The following MARCHF1 variants were observed in gnomAD, a reference collection of about 807,000 sequenced individuals.
The protein encoded by MARCHF1 is membrane associated ring-CH-type finger 1, also known as E3 ubiquitin-protein ligase MARCHF1.
A neutral mutation model predicts 54.2 loss-of-function variants in MARCHF1; 40 were observed. The observed-to-expected ratio is 0.74, with a 90% CI of 0.57 to 0.96. The LOEUF (loss-of-function observed/expected upper bound fraction) is 0.96. Ranked by LOEUF, MARCHF1 falls within the 40% of genes least tolerant of loss-of-function variation. The probability of loss-of-function intolerance (pLI) is 0.00; values close to 1 mark genes in which losing one functional copy is unlikely to be tolerated. For missense variants in MARCHF1, 586 were observed against 656.5 expected (o/e 0.89, Z 1.17); for synonymous variants, 236 against 236.3 (o/e 1.00, Z 0.01).
intron 9 of MARCHF1, among the ~76,000 whole-genome samples, chr4:163,539,475 T>C (rs996949008): frequency 2.0e-5 from 3 of 152,238 alleles, no homozygotes; most frequent in Non-Finnish European, 4.4e-5. Context: ...ATTATTGTTA[T>C]TATCTGTGTG....
chr4:163,665,865 T>C (rs1743514307), intron 5 of MARCHF1, among the ~76,000 whole-genome samples: 1 of 152,114 alleles, frequency 6.6e-6, no homozygotes, highest in South Asian at 2.1e-4. Context: ...TACTCCTCCA[T>C]TGGGCATACC....
chr4:164,071,754 A>G (rs963376964), intron 2 of MARCHF1, among the ~76,000 whole-genome samples: 1 of 151,998 alleles, frequency 6.6e-6, no homozygotes, highest in Non-Finnish European at 1.5e-5. Flanking sequence ...TGCTTTTAAA[A>G]TTTCTCACCC....
chr4:164,365,384 T>C (rs967051311), intron 1 of MARCHF1, among the ~76,000 whole-genome samples: 14 of 152,062 alleles, frequency 9.2e-5, no homozygotes, highest in African/African-American at 3.4e-4. Context: ...TAAGTAGAAA[T>C]TGATATGTGT....
chr4:163,815,400 C>T (rs1167994452), intron 4 of MARCHF1, among the ~76,000 whole-genome samples: 1 of 152,170 alleles, frequency 6.6e-6, no homozygotes, highest in Non-Finnish European at 1.5e-5. Flanking sequence ...GTTGGCTGTG[C>T]ATCTATTATG....
At chr4:163,656,685 G>A (rs546473193) in intron 5 of MARCHF1, among the ~76,000 whole-genome samples, 1 of 152,186 alleles carries the variant, frequency 6.6e-6, no homozygotes, top group South Asian at 2.1e-4. Context: ...GAATCCAGCA[G>A]CACATAAAAA....
At chr4:164,253,095 A>G (rs1733172814) in intron 1 of MARCHF1, among the ~76,000 whole-genome samples, 1 of 152,154 alleles carries the variant, frequency 6.6e-6, no homozygotes, top group South Asian at 2.1e-4. Context: ...AAAATAATAG[A>G]CATGAAGAAA....
rs565243891 is a variant in MARCHF1 at position 163,537,526 on chromosome 4, A to T, written c.1339+8070T>A. On this transcript the variant is annotated intron_variant, in intron 9 of 9. Transcript: ENST00000514618. ...GAATTTGGAAAATCTAACTTAGGCA[A>T]TTCAAGCATCTGCTCATTTATCTGA... 8.3e-4 allele frequency among the ~76,000 whole-genome samples: 127 copies of T among 152,310 alleles called. 1 individual carries two copies. Among genetic ancestry groups the T allele is most frequent in the South Asian group, 3.1e-3 (15 of 4,834 alleles).
intron 1 of MARCHF1, among the ~76,000 whole-genome samples, chr4:164,252,576 A>G (rs1733159831): frequency 6.6e-6 from 1 of 152,166 alleles, no homozygotes; most frequent in Admixed American, 6.5e-5. Context: ...GAACAAAGCC[A>G]TTTGGGAAGC....
rs192215170 is a variant in MARCHF1 at position 163,736,488 on chromosome 4, G to C, written c.112-35625C>G. ...TAGAATTTTCCATTTAATATTTTTG[G>C]ATCTCAGTTGACTTCTGGTAGCTGA... On this transcript the variant is annotated intron_variant, in intron 4 of 9. Coordinates refer to ENST00000514618, the MANE Select transcript of MARCHF1 (RefSeq NM_001394959.1). Among the ~76,000 whole-genome samples, 447 of 142,376 alleles carry C rather than the reference G, an allele frequency of 3.1e-3. 3 individuals carry two copies. Among genetic ancestry groups the C allele is most frequent in the African/African-American group, 0.011 (438 of 39,012 alleles). The allele number at this position is 142,376 out of a possible 152,430, so 93.4% of individuals were successfully genotyped here. A position where few individuals can be genotyped will look rare whatever the true frequency, so the allele number is the denominator to read the frequency against.
chr4:164,069,466 C>T (rs1463603043), intron 2 of MARCHF1, among the ~76,000 whole-genome samples: 1 of 152,012 alleles, frequency 6.6e-6, no homozygotes, highest in African/African-American at 2.4e-5. Context: ...CGAAGGTCTG[C>T]AGCTTCCCTG....
intron 2 of MARCHF1, among the ~76,000 whole-genome samples, chr4:164,075,860 C>T (rs1345002832): frequency 6.6e-6 from 1 of 152,124 alleles, no homozygotes; most frequent in Non-Finnish European, 1.5e-5. Flanking sequence ...ACCTATCTCC[C>T]TCTAGACACA....
At chr4:163,752,109 G>T (rs1746538273) in intron 4 of MARCHF1, among the ~76,000 whole-genome samples, 1 of 152,244 alleles carries the variant, frequency 6.6e-6, no homozygotes, top group Non-Finnish European at 1.5e-5. Context: ...TGTGAAGACG[G>T]CTGTAATAAT....
intron 1 of MARCHF1, among the ~76,000 whole-genome samples, chr4:164,291,314 A>G (rs1343287867): frequency 6.6e-6 from 1 of 151,976 alleles, no homozygotes; most frequent in Non-Finnish European, 1.5e-5. Context: ...AATTAAAATC[A>G]TTTTTTGCAT....
At chr4:163,932,960 T>G in intron 3 of MARCHF1, 1 of 715,140 alleles carries the variant, frequency 1.4e-6, no homozygotes, top group Non-Finnish European at 2.6e-6. Context: ...CCCAAGGAGC[T>G]TACCAAAAGG....
chr4:163,638,475 G>A (rs1396608387), intron 5 of MARCHF1, among the ~76,000 whole-genome samples: 1 of 152,066 alleles, frequency 6.6e-6, no homozygotes, highest in Non-Finnish European at 1.5e-5. Context: ...TTTGCCTAAT[G>A]CTATGATTGA....
intron 5 of MARCHF1, among the ~76,000 whole-genome samples, chr4:163,657,721 C>T (rs2111090051): frequency 6.6e-6 from 1 of 152,050 alleles, no homozygotes; most frequent in South Asian, 2.1e-4. Flanking sequence ...ACACATAGAC[C>T]AATGGAACAG....
chr4:163,672,742 G>A (rs949286794), intron 5 of MARCHF1, among the ~76,000 whole-genome samples: 7 of 152,100 alleles, frequency 4.6e-5, no homozygotes, highest in African/African-American at 1.7e-4. Context: ...TCTGGAAGTC[G>A]GAAGTCTAAA....
chr4:163,737,656 A>G (rs1183926848), intron 4 of MARCHF1, among the ~76,000 whole-genome samples: 1 of 126,712 alleles, frequency 7.9e-6, no homozygotes, highest in African/African-American at 2.5e-5. Context: ...ACACATGAAG[A>G]AATGCTCATC....
intron 8 of MARCHF1, among the ~76,000 whole-genome samples, chr4:163,551,624 A>G (rs2110941348): frequency 6.6e-6 from 1 of 152,348 alleles, no homozygotes; most frequent in African/African-American, 2.4e-5. Context: ...TCAGAATTAC[A>G]GTAATATAGT....
Sources: gnomAD v4.1 joint callset for allele counts (sites outside exome capture counted in the v4.1 genomes callset) on GRCh38, gnomAD v4.1.1 for gene constraint, MANE v1.5 for transcripts, NCBI Gene and HGNC (gene_info 2026-07-23, HGNC 2026-07-21) for gene names.